COP1: variants seen among roughly 807,000 people sequenced by gnomAD.
The protein encoded by COP1 is E3 ubiquitin-protein ligase COP1.
In COP1, 24 loss-of-function variants were observed where a neutral mutation model predicts 101.3. That is an observed-to-expected ratio of 0.24 (90% CI 0.17 to 0.33). The LOEUF (loss-of-function observed/expected upper bound fraction) is 0.33. Ranked by LOEUF, COP1 falls within the 10% of genes least tolerant of loss-of-function variation. The pLI is 1.00. For missense variants in COP1, 663 were observed against 906.2 expected (o/e 0.73, Z 3.45); for synonymous variants, 347 against 341.9 (o/e 1.01, Z -0.17).
At chr1:176,064,779 G>A (rs537863211) in intron 11 of COP1, among the ~76,000 whole-genome samples, 1 of 151,734 alleles carries the variant, frequency 6.6e-6, no homozygotes, top group African/African-American at 2.4e-5. Flanking sequence ...TCAGCCTCCT[G>A]GGCCCAGCCA....
At chr1:176,089,536 T>A (rs1558085775) in intron 9 of COP1, among the ~76,000 whole-genome samples, 1 of 152,202 alleles carries the variant, frequency 6.6e-6, no homozygotes, top group Non-Finnish European at 1.5e-5. Context: ...CCAACAACTG[T>A]ACCACAATGC....
At chr1:176,186,295 A>G (rs1397427181) in intron 1 of COP1, among the ~76,000 whole-genome samples, 1 of 151,868 alleles carries the variant, frequency 6.6e-6, no homozygotes, top group Non-Finnish European at 1.5e-5. Flanking sequence ...AAATTTTTTA[A>G]AAAGGCACTC....
intron 8 of COP1, among the ~76,000 whole-genome samples, chr1:176,120,212 G>C (rs1686887413): frequency 6.6e-6 from 1 of 152,034 alleles, no homozygotes; most frequent in African/African-American, 2.4e-5. Flanking sequence ...CCTGAGGTCA[G>C]GAGTTCAAGA....
intron 14 of COP1, among the ~76,000 whole-genome samples, chr1:176,036,518 A>C (rs75015620): frequency 6.7e-6 from 1 of 150,028 alleles, no homozygotes; most frequent in Non-Finnish European, 1.5e-5. Flanking sequence ...AAAAAAAAAA[A>C]AAAAAAAAGC....
rs149495835 is a variant in COP1, at chr1:175,957,934, T to C, written c.2134-10695A>G. Reference sequence around the variant, plus strand: ...GCCAGGTGCAAAAAATTACATACTGTATCATTCCTGTTATATGAAATCCTA... The same window carrying C: ...GCCAGGTGCAAAAAATTACATACTGCATCATTCCTGTTATATGAAATCCTA... On this transcript the variant is annotated intron_variant, in intron 18 of 19. Transcript: ENST00000367669. Among the ~76,000 whole-genome samples, 290 of 152,242 alleles carry C rather than the reference T, an allele frequency of 1.9e-3. 3 individuals are homozygous for C. Among genetic ancestry groups the C allele is most frequent in the African/African-American group, 6.7e-3 (280 of 41,570 alleles).
At chr1:176,023,152 A>G (rs1184805481) in intron 15 of COP1, among the ~76,000 whole-genome samples, 1 of 152,202 alleles carries the variant, frequency 6.6e-6, no homozygotes, top group Non-Finnish European at 1.5e-5. Context: ...TCTGATGATG[A>G]GCTAAGAGTC....
chr1:176,045,165 G>A (rs1346968029), intron 12 of COP1, among the ~76,000 whole-genome samples: 1 of 152,032 alleles, frequency 6.6e-6, no homozygotes, highest in Admixed American at 6.6e-5. Context: ...GTATAAAATG[G>A]AGCAATAATG....
chr1:176,027,808 T>G (rs1368542304), intron 14 of COP1, 120 bp from the exon 15 acceptor site: 2 of 657,624 alleles, frequency 3.0e-6, no homozygotes, highest in Non-Finnish European at 2.7e-6. Flanking sequence ...TCTAAAACAT[T>G]TGGTTTACTA....
At chr1:176,174,486 T>C (rs1297976457) in intron 3 of COP1, among the ~76,000 whole-genome samples, 3 of 152,218 alleles carry the variant, frequency 2.0e-5, no homozygotes, top group African/African-American at 2.4e-5. Context: ...GAAGAATTTG[T>C]CATTCTAGCA....
chr1:176,192,562 T>C (rs967458778), intron 1 of COP1, among the ~76,000 whole-genome samples: 1 of 152,128 alleles, frequency 6.6e-6, no homozygotes, highest in South Asian at 2.1e-4. Context: ...CAAAATATAA[T>C]TGGCCAAAAT....
At chr1:176,008,988 A>G (rs1479915604) in intron 15 of COP1, among the ~76,000 whole-genome samples, 1 of 152,130 alleles carries the variant, frequency 6.6e-6, no homozygotes, top group East Asian at 1.9e-4. Flanking sequence ...CTTAGCCTTC[A>G]CTTCCTGCTT....
intron 11 of COP1, among the ~76,000 whole-genome samples, chr1:176,063,108 G>A (rs1353351315): frequency 3.7e-5 from 5 of 135,446 alleles, no homozygotes; most frequent in Middle Eastern, 4.6e-3. Flanking sequence ...GCCGGACTGC[G>A]GACTGCAGTG....
In COP1 at chr1:176,032,661, G is replaced by A. The variant is rs141173354; in HGVS notation, c.1613-4973C>T. 2.2e-3 allele frequency among the ~76,000 whole-genome samples: 338 copies of A among 152,108 alleles called. 1 individual carries two copies. Among genetic ancestry groups the A allele is most frequent in the African/African-American group, 7.7e-3 (320 of 41,502 alleles). On this transcript the variant is annotated intron_variant, in intron 14 of 19. Coordinates refer to ENST00000367669, the MANE Select transcript of COP1 (RefSeq NM_022457.7). ...CCCCACCATGTGGGCTTGTGACAACGCAGATGTTTCTCCCAAACCAAGCGA... is the reference window on the plus strand; with the variant it reads ...CCCCACCATGTGGGCTTGTGACAACACAGATGTTTCTCCCAAACCAAGCGA...
At chr1:176,181,354 T>C (rs961196480) in intron 2 of COP1, among the ~76,000 whole-genome samples, 1 of 151,730 alleles carries the variant, frequency 6.6e-6, no homozygotes, top group Non-Finnish European at 1.5e-5. Flanking sequence ...CTACGGTTAA[T>C]GACTGAAGTT....
At chr1:175,947,370 ATTTTTTT>A in intron 18 of COP1, 131 bp from the exon 19 acceptor site, 1 of 490,204 alleles carries the variant, frequency 2.0e-6, no homozygotes, top group Non-Finnish European at 3.7e-6. Flanking sequence ...TGAAGATACA[ATTTTTTT>A]TTTTTTTTTT....
intron 9 of COP1, among the ~76,000 whole-genome samples, chr1:176,116,154 G>C (rs1686151500): frequency 6.6e-6 from 1 of 152,162 alleles, no homozygotes; most frequent in Non-Finnish European, 1.5e-5. Context: ...GAGGCAGACA[G>C]ATCGCTTGAG....
intron 1 of COP1, among the ~76,000 whole-genome samples, chr1:176,194,505 G>C (rs1329996573): frequency 1.3e-5 from 2 of 152,104 alleles, no homozygotes; most frequent in Non-Finnish European, 2.9e-5. Flanking sequence ...GGGCATGGTG[G>C]CATGAGCCTA....
chr1:176,036,520 A>AC (rs796246515), intron 14 of COP1, among the ~76,000 whole-genome samples: 10,582 of 143,600 alleles, frequency 0.074, 457 homozygotes, highest in Non-Finnish European at 0.095. Context: ...AAAAAAAAAA[A>AC]AAAAAAGCAT....
chr1:176,026,068 A>G (rs937023853), intron 15 of COP1, among the ~76,000 whole-genome samples: 7 of 152,118 alleles, frequency 4.6e-5, no homozygotes, highest in African/African-American at 1.7e-4. Flanking sequence ...TAAAGCTTAC[A>G]TGGAAAATTA....
Sources: gnomAD v4.1 joint callset for allele counts (sites outside exome capture counted in the v4.1 genomes callset) on GRCh38, gnomAD v4.1.1 for gene constraint, MANE v1.5 for transcripts, NCBI Gene and HGNC (gene_info 2026-07-23, HGNC 2026-07-21) for gene names.